Variants in ADCY2 observed in about 807,000 individuals in gnomAD.
ADCY2 encodes the protein adenylate cyclase type 2.
A neutral mutation model predicts 125.2 loss-of-function variants in ADCY2; 31 were observed. The ratio of observed to expected loss-of-function variants is 0.25; its 90% CI spans 0.19 to 0.33. ADCY2 has a LOEUF of 0.33. ADCY2 is among the 10% of genes least tolerant of loss of function. The probability of loss-of-function intolerance (pLI) is 1.00; values close to 1 mark genes in which losing one functional copy is unlikely to be tolerated. For missense variants in ADCY2, 904 were observed against 1,418.2 expected (o/e 0.64, Z 5.82); for synonymous variants, 512 against 548.4 (o/e 0.93, Z 0.93).
intron 20 of ADCY2, chr5:7,801,139 T>A (rs1199638406): frequency 1.3e-5 from 2 of 152,200 alleles, no homozygotes; most frequent in Admixed American, 6.5e-5. Flanking sequence ...GGGACCTCCC[T>A]GGGGAAAGAA....
At chr5:7,525,380 T>G (rs1475092876) in intron 3 of ADCY2, among the ~76,000 whole-genome samples, 4 of 152,318 alleles carry the variant, frequency 2.6e-5, no homozygotes, top group East Asian at 3.9e-4. Context: ...CTGGCCTCTG[T>G]GTCCTCTTGA....
At chr5:7,515,322 T>C (rs981281910) in intron 2 of ADCY2, among the ~76,000 whole-genome samples, 1 of 152,216 alleles carries the variant, frequency 6.6e-6, no homozygotes, top group Non-Finnish European at 1.5e-5. Flanking sequence ...GAGTTTTTGT[T>C]GTATCAAACT....
chr5:7,480,071 TC>T (rs1742671718), intron 2 of ADCY2, among the ~76,000 whole-genome samples: 1 of 152,160 alleles, frequency 6.6e-6, no homozygotes, highest in South Asian at 2.1e-4. Flanking sequence ...AGATACCATC[TC>T]ACATAAGTCA....
chr5:7,565,215 C>T (rs1315351216), intron 3 of ADCY2, among the ~76,000 whole-genome samples: 1 of 152,180 alleles, frequency 6.6e-6, no homozygotes, highest in Non-Finnish European at 1.5e-5. Flanking sequence ...TTTTTACTTT[C>T]AGAAGTTAAT....
At chr5:7,490,322 A>G (rs988786245) in intron 2 of ADCY2, among the ~76,000 whole-genome samples, 1 of 152,098 alleles carries the variant, frequency 6.6e-6, no homozygotes, top group Admixed American at 6.6e-5. Context: ...TTCAAAGGAG[A>G]GTATTTAACT....
chr5:7,537,311 T>C (rs1734846227), intron 3 of ADCY2, among the ~76,000 whole-genome samples: 1 of 152,238 alleles, frequency 6.6e-6, no homozygotes, highest in Admixed American at 6.5e-5. Flanking sequence ...TACATGTTTG[T>C]CTTAAGTGTT....
intron 4 of ADCY2, among the ~76,000 whole-genome samples, chr5:7,682,795 C>G (rs1384427692): frequency 6.6e-6 from 1 of 152,180 alleles, no homozygotes; most frequent in Non-Finnish European, 1.5e-5. Context: ...TGATTAATCC[C>G]CATTACTTTT....
At chr5:7,595,252 T>A (rs1198122108) in intron 3 of ADCY2, among the ~76,000 whole-genome samples, 1 of 152,230 alleles carries the variant, frequency 6.6e-6, no homozygotes, top group South Asian at 2.1e-4. Flanking sequence ...AATACTAGCT[T>A]CGCTTTTCTT....
At chr5:7,513,416 G>A (rs1744145064) in intron 2 of ADCY2, among the ~76,000 whole-genome samples, 1 of 152,126 alleles carries the variant, frequency 6.6e-6, no homozygotes, top group African/African-American at 2.4e-5. Context: ...TTATTGTTTT[G>A]CAGATTTTGT....
intron 5 of ADCY2, among the ~76,000 whole-genome samples, chr5:7,694,853 GTT>G (rs1264156967): frequency 6.6e-6 from 1 of 152,106 alleles, no homozygotes; most frequent in African/African-American, 2.4e-5. Context: ...CGAACATATT[GTT>G]TTTCAGAGTG....
rs16878657 is a variant in ADCY2, at chr5:7,456,460, G to T, written c.408+41690G>T. On this transcript the variant is annotated intron_variant, in intron 2 of 24. Transcript: ENST00000338316. ...TATATTTAAGTTACTGAAGTAAGAC[G>T]CTTGAAATGAAAATGTGTACACTCC... Among the ~76,000 whole-genome samples, 38 of 152,212 alleles carry T rather than the reference G, an allele frequency of 2.5e-4. No homozygotes were observed. The South Asian group carries it at 7.3e-3, about 29-fold the overall frequency.
At chr5:7,414,155 T>G (rs1286819273) in intron 1 of ADCY2, among the ~76,000 whole-genome samples, 1 of 152,210 alleles carries the variant, frequency 6.6e-6, no homozygotes, top group Non-Finnish European at 1.5e-5. Context: ...TGAAAGAAGT[T>G]TTTTAAATAA....
At chr5:7,484,928 G>C (rs1253625962) in intron 2 of ADCY2, among the ~76,000 whole-genome samples, 1 of 152,132 alleles carries the variant, frequency 6.6e-6, no homozygotes, top group Non-Finnish European at 1.5e-5. Context: ...CTCTTTGAAA[G>C]AATTGTCTGT....
chr5:7,503,266 C>T (rs191915184), intron 2 of ADCY2, among the ~76,000 whole-genome samples: 1 of 152,272 alleles, frequency 6.6e-6, no homozygotes, highest in African/African-American at 2.4e-5. Flanking sequence ...TTAACACTCT[C>T]CTCTCAAGAT....
chr5:7,633,777 C>T (rs1738402317), intron 4 of ADCY2, among the ~76,000 whole-genome samples: 1 of 152,144 alleles, frequency 6.6e-6, no homozygotes, highest in South Asian at 2.1e-4. Flanking sequence ...AAGTCATGTA[C>T]TAAGGAGAGG....
intron 3 of ADCY2, among the ~76,000 whole-genome samples, chr5:7,537,862 T>C (rs1336927029): frequency 6.6e-6 from 1 of 152,174 alleles, no homozygotes; most frequent in East Asian, 1.9e-4. Flanking sequence ...AGGGCCCTGA[T>C]TGTGCTTGGC....
At chr5:7,529,464 C>T (rs924405838) in intron 3 of ADCY2, among the ~76,000 whole-genome samples, 1 of 152,184 alleles carries the variant, frequency 6.6e-6, no homozygotes, top group African/African-American at 2.4e-5. Flanking sequence ...CAATTTTTAC[C>T]TTTCCTAGGA....
At chr5:7,408,588 G>A (rs1036578885) in intron 1 of ADCY2, among the ~76,000 whole-genome samples, 1 of 151,356 alleles carries the variant, frequency 6.6e-6, no homozygotes, top group Non-Finnish European at 1.5e-5. Context: ...GCCTGGGCTC[G>A]AACTCCTGAT....
chr5:7,543,836 A>T (rs1180208256), intron 3 of ADCY2, among the ~76,000 whole-genome samples: 6 of 151,646 alleles, frequency 4.0e-5, no homozygotes, highest in Non-Finnish European at 7.4e-5. Context: ...ACATGGTGAA[A>T]CCCCGTCTCT....
Sources: allele counts gnomAD v4.1 joint callset (sites outside exome capture counted in the v4.1 genomes callset), GRCh38; gene constraint gnomAD v4.1.1; transcripts MANE v1.5; gene names NCBI Gene and HGNC (gene_info 2026-07-23, HGNC 2026-07-21).